Variants in NPHS2 observed in about 807,000 individuals in gnomAD.
NPHS2 encodes the protein podocin.
Under a neutral mutation model 37.1 loss-of-function variants are expected in NPHS2, and 36 were observed. The ratio of observed to expected loss-of-function variants is 0.97; its 90% CI spans 0.74 to 1.28. NPHS2 has a LOEUF of 1.28. Among genes scored for constraint, NPHS2 ranks in the 50% most tolerant of loss-of-function variants. The probability of loss-of-function intolerance (pLI) is 0.00; values close to 1 mark genes in which losing one functional copy is unlikely to be tolerated. For synonymous variants in NPHS2, 196 were observed against 189.3 expected, an observed-to-expected ratio of 1.04 and a Z score of -0.29; for missense variants, 447 against 488.1, an observed-to-expected ratio of 0.92 and a Z score of 0.79.
Position 179,564,685 on chromosome 1 carries a change from C to G in NPHS2, c.378+5G>C, listed in dbSNP as rs771280420. ...ATTACCTATTGGGTCCTTATGGAATCTCACCTTTACGCAGAACCAGATGGA... is the reference window on the plus strand; with the variant it reads ...ATTACCTATTGGGTCCTTATGGAATGTCACCTTTACGCAGAACCAGATGGA... On this transcript the variant is annotated splice_donor_5th_base_variant and intron_variant, in intron 2 of 7. Coordinates refer to ENST00000367615, the MANE Select transcript of NPHS2 (RefSeq NM_014625.4). 11 of 1,612,946 alleles carry G rather than the reference C, an allele frequency of 6.8e-6. No homozygotes were observed. The highest frequency in any genetic ancestry group is 4.5e-5 in the East Asian group (2 of 44,866).
rs1673437891 is a variant in NPHS2, at chr1:179,552,531, A to G, written c.873+72T>C. 2.5e-6 allele frequency: 3 copies of G among 1,187,260 alleles called. No individual in the cohort carries two copies. The Admixed American group carries it at 5.6e-5, about 22-fold the overall frequency. The allele number at this position is 1,187,260 out of a possible 1,614,324, so 73.5% of individuals were successfully genotyped here. ...GTGCCTAATGAATGGACAGTAAGGA[A>G]GCAAAGGGGAAATGTTCTCCACGAG... On this transcript the variant is annotated intron_variant, in intron 7 of 7. Transcript: ENST00000367615.
chr1:179,559,188 C>G (rs985382780), intron 4 of NPHS2, among the ~76,000 whole-genome samples: 8 of 152,144 alleles, frequency 5.3e-5, no homozygotes, highest in Admixed American at 2.6e-4. Flanking sequence ...TTTTCTTGAG[C>G]CCTTCAATTA....
At position 179,564,695 on chromosome 1, in the gene NPHS2, C is replaced by T. The variant is rs763908773; in HGVS notation, c.373G>A (p.Val125Ile). The T allele has an allele frequency of 9.3e-6, 15 of 1,613,360 alleles. 1 individual carries two copies. The South Asian group carries it at 1.2e-4, about 13-fold the overall frequency. Reference sequence around the variant, plus strand: ...GGGTCCTTATGGAATCTCACCTTTACGCAGAACCAGATGGAAAAAGGGAAG... The same window carrying T: ...GGGTCCTTATGGAATCTCACCTTTATGCAGAACCAGATGGAAAAAGGGAAG... ...MTFPFSIWFC[V>I]KVVQEYERVI... The change falls in exon 2 of 8, where the codon GTA (valine) becomes ATA (isoleucine). Residue 125 changes from valine (V) to isoleucine (I), a missense_variant. Transcript: ENST00000367615.
At chr1:179,570,015 T>G (rs531171795) in intron 1 of NPHS2, among the ~76,000 whole-genome samples, 1 of 152,202 alleles carries the variant, frequency 6.6e-6, no homozygotes, top group Non-Finnish European at 1.5e-5. Flanking sequence ...CTGACAATTA[T>G]GTGTCTTGGG....
chr1:179,564,616 G>C, intron 2 of NPHS2, 74 bp downstream of exon 2: 8 of 1,239,664 alleles, frequency 6.5e-6, no homozygotes, highest in Non-Finnish European at 9.5e-6. Flanking sequence ...CCAGAAAACA[G>C]AAGTGAGAAT....
At chr1:179,560,538 T>G (rs1329662461) in intron 3 of NPHS2, among the ~76,000 whole-genome samples, 1 of 152,116 alleles carries the variant, frequency 6.6e-6, no homozygotes, top group African/African-American at 2.4e-5. Flanking sequence ...TCTACTTTTG[T>G]GTGGACTCAT....
At chr1:179,569,003 G>A (rs1211974276) in intron 1 of NPHS2, among the ~76,000 whole-genome samples, 1 of 152,150 alleles carries the variant, frequency 6.6e-6, no homozygotes, top group Non-Finnish European at 1.5e-5. Context: ...AATATGATGT[G>A]GTGCTGAGAA....
chr1:179,562,287 A>G (rs1490859999), intron 2 of NPHS2, among the ~76,000 whole-genome samples: 3 of 152,242 alleles, frequency 2.0e-5, no homozygotes, highest in East Asian at 3.9e-4. Flanking sequence ...CTGACCCAGT[A>G]TCAGAATCTG....
At chr1:179,563,985 C>T (rs1674243150) in intron 2 of NPHS2, among the ~76,000 whole-genome samples, 2 of 152,188 alleles carry the variant, frequency 1.3e-5, no homozygotes, top group African/African-American at 4.8e-5. Context: ...TTTCTGCCCA[C>T]TGTGGGACTC....
intron 1 of NPHS2, among the ~76,000 whole-genome samples, chr1:179,572,531 CT>C (rs1385878148): frequency 1.3e-5 from 2 of 152,136 alleles, no homozygotes; most frequent in Admixed American, 6.5e-5. Flanking sequence ...AGAATAGTGC[CT>C]GGCACCATAC....
intron 1 of NPHS2, among the ~76,000 whole-genome samples, chr1:179,565,229 G>A (rs1253735729): frequency 2.0e-5 from 3 of 152,150 alleles, no homozygotes; most frequent in Admixed American, 6.5e-5. Context: ...AGTTATGACT[G>A]CACCACTGTA....
At chr1:179,566,350 G>C (rs903253502) in intron 1 of NPHS2, among the ~76,000 whole-genome samples, 22 of 152,176 alleles carry the variant, frequency 1.4e-4, no homozygotes, top group Non-Finnish European at 3.1e-4. Flanking sequence ...GTGTCTGTTG[G>C]CTGCATAGAT....
chr1:179,571,478 G>T (rs1674553414), intron 1 of NPHS2, among the ~76,000 whole-genome samples: 1 of 152,198 alleles, frequency 6.6e-6, no homozygotes, highest in Admixed American at 6.5e-5. Flanking sequence ...TGAGGTGTCT[G>T]TTGGCCCCTA....
At chr1:179,551,727 G>T in intron 7 of NPHS2, 1 of 441,428 alleles carries the variant, frequency 2.3e-6, no homozygotes, top group Non-Finnish European at 4.1e-6. Flanking sequence ...TGAAAGATTA[G>T]GATTTTGCCA....
Position 179,552,619 on chromosome 1 carries a change from CTT to C in NPHS2, c.855_856del (p.Arg286ThrfsTer17), listed in dbSNP as rs749740335. 1.4e-4 allele frequency: 220 copies of C among 1,613,646 alleles called. No individual in the cohort carries two copies. The highest frequency in any genetic ancestry group is 1.7e-4 in the Non-Finnish European group (205 of 1,179,904). ...AGTGCTCACCCGCACTTTGGCTTGT[CTT>C]TGCGCTTCAGCCTCCACAGCCAGTG... is the stretch of plus-strand genomic sequence containing the variant. On this transcript the variant is annotated frameshift_variant, in exon 7 of 8. Coordinates refer to ENST00000367615, the MANE Select transcript of NPHS2 (RefSeq NM_014625.4). LOFTEE classifies it high-confidence loss of function.
chr1:179,554,328 T>C (rs941121676), intron 6 of NPHS2, 148 bp downstream of exon 6: 1 of 834,802 alleles, frequency 1.2e-6, no homozygotes, highest in Non-Finnish European at 1.9e-6. Context: ...GGCTGTAAGA[T>C]ATTAGGTGAT....
rs1674311308 is a variant in NPHS2 at position 179,565,778 on chromosome 1, G to A, written c.275-985C>T. 3.4e-5 allele frequency among the ~76,000 whole-genome samples: 5 copies of A among 149,200 alleles called. No individual in the cohort carries two copies. The South Asian group carries it at 1.1e-3, about 32-fold the overall frequency. ...GATGTTCACCGCCCTGTGTCCAAGT[G>A]ATCTCATTGTTCATTTCCCATCTAT... is the stretch of plus-strand genomic sequence containing the variant. On this transcript the variant is annotated intron_variant, in intron 1 of 7. Coordinates refer to ENST00000367615, the MANE Select transcript of NPHS2 (RefSeq NM_014625.4).
intron 1 of NPHS2, among the ~76,000 whole-genome samples, chr1:179,566,438 G>A (rs1212739707): frequency 1.3e-5 from 2 of 152,052 alleles, no homozygotes; most frequent in South Asian, 2.1e-4. Context: ...AAATTTGTTT[G>A]AGTTCTTTGT....
At chr1:179,566,891 T>C (rs1020408915) in intron 1 of NPHS2, among the ~76,000 whole-genome samples, 1 of 152,226 alleles carries the variant, frequency 6.6e-6, no homozygotes, top group African/African-American at 2.4e-5. Context: ...GTTGTGTTAT[T>C]TCTGAGGCCT....
Sources: gnomAD v4.1 joint callset for allele counts (sites outside exome capture counted in the v4.1 genomes callset) on GRCh38, gnomAD v4.1.1 for gene constraint, MANE v1.5 for transcripts, NCBI Gene and HGNC (gene_info 2026-07-23, HGNC 2026-07-21) for gene names.